The following PCDHA2 variants were observed in gnomAD, a reference collection of about 807,000 sequenced individuals.
PCDHA2 encodes the protein protocadherin alpha 2, also known as protocadherin alpha-2.
PCDHA2 carries 58 observed loss-of-function variants against 66.0 expected under a neutral mutation model. The ratio of observed to expected loss-of-function variants is 0.88; its 90% confidence interval spans 0.71 to 1.09. The LOEUF (loss-of-function observed/expected upper bound fraction) is 1.09, where lower values mean the gene tolerates loss of function less well. Ranked by LOEUF, PCDHA2 falls within the 50% of genes least tolerant of loss-of-function variation. PCDHA2 has a pLI of 0.00. For synonymous variants in PCDHA2, 634 were observed against 554.0 expected (o/e 1.14, Z -2.03); for missense variants, 1,267 against 1,242.3 (o/e 1.02, Z -0.30).
chr5:140,912,533 A>G (rs570012858), intron 1 of PCDHA2, among the ~76,000 whole-genome samples: 1 of 152,224 alleles, frequency 6.6e-6, no homozygotes, highest in African/African-American at 2.4e-5. Flanking sequence ...AGAGTACATG[A>G]TCATATTGTC....
chr5:140,795,314 T>C lies in PCDHA2; in HGVS notation c.350T>C (p.Phe117Ser). 6.2e-7 allele frequency: 1 copy of C among 1,614,198 alleles called. No individual in the cohort carries two copies. The highest frequency in any genetic ancestry group is 1.7e-5 in the Admixed American group (1 of 60,028). Residue 117 changes from phenylalanine (F) to serine (S), a missense_variant, in exon 1 of 4, where the codon TTC (phenylalanine) becomes TCC (serine). Phe to Ser is a radical substitution (Grantham distance 155). Coordinates refer to ENST00000526136, the MANE Select transcript of PCDHA2 (RefSeq NM_018905.3). ...ATCGTGGACAGGCCGCTGCAGGTTT[T>C]CCATGTGGAAGTGGAGGTGAAGGAC... is the stretch of plus-strand genomic sequence containing the variant. ...EVIVDRPLQV[F>S]HVEVEVKDIN...
At position 140,927,603 on chromosome 5, in the gene PCDHA2, A is replaced by G. The variant is rs538616533; in HGVS notation, c.2389-51346A>G. On this transcript the variant is annotated intron_variant, in intron 1 of 3. Coordinates refer to ENST00000526136, the MANE Select transcript of PCDHA2 (RefSeq NM_018905.3). ...ACGCGCCTGTATTTGAGCGCTCCGT[A>G]TACCGCACCAAGGTTCCAGAGACTG... 8.1e-6 allele frequency: 13 copies of G among 1,614,190 alleles called. No homozygotes were observed. In the Admixed American group the frequency reaches 1.2e-4, roughly 14 times the overall value.
chr5:140,848,218 A>T (rs1404023746), intron 1 of PCDHA2: 1 of 371,682 alleles, frequency 2.7e-6, no homozygotes, highest in Non-Finnish European at 4.8e-6. Flanking sequence ...TTAAGAAAAA[A>T]TTAAGAAAAT....
intron 1 of PCDHA2, among the ~76,000 whole-genome samples, chr5:140,904,023 A>G (rs2070780912): frequency 1.3e-5 from 2 of 152,198 alleles, no homozygotes; most frequent in Admixed American, 6.5e-5. Flanking sequence ...AAATAATGGT[A>G]TAATTTAACT....
intron 1 of PCDHA2, chr5:140,876,139 A>G (rs1554168285): frequency 6.2e-7 from 1 of 1,613,960 alleles, no homozygotes; most frequent in South Asian, 1.1e-5. Context: ...ACCAGAACTA[A>G]CAGGGTCTGT....
chr5:140,798,198 G>A (rs1262520843), intron 1 of PCDHA2, among the ~76,000 whole-genome samples: 2 of 152,120 alleles, frequency 1.3e-5, no homozygotes, highest in African/African-American at 4.8e-5. Flanking sequence ...AAAGCAGCCT[G>A]AGTGGATATT....
At chr5:140,816,978 A>G (rs1367187399) in intron 1 of PCDHA2, 1 of 152,086 alleles carries the variant, frequency 6.6e-6, no homozygotes, top group African/African-American at 2.4e-5. Flanking sequence ...GCCCACTAAA[A>G]TTCAGGAACT....
At chr5:140,927,105 C>T in intron 1 of PCDHA2, 1 of 1,613,778 alleles carries the variant, frequency 6.2e-7, no homozygotes, top group Non-Finnish European at 8.5e-7. Flanking sequence ...TGGATCTACC[C>T]AGCGGCAATT....
rs1282110712 is a variant in PCDHA2, at chr5:140,926,177, A to G, written c.2389-52772A>G. Among the ~76,000 whole-genome samples the G allele has an allele frequency of 2.0e-5, 3 of 151,672 alleles. No individual in the cohort carries two copies. The South Asian group carries it at 6.6e-4, about 34-fold the overall frequency. On this transcript the variant is annotated intron_variant, in intron 1 of 3. Coordinates refer to ENST00000526136, the MANE Select transcript of PCDHA2 (RefSeq NM_018905.3). ...CTCTGCAGCAGGATCCAGCGCGGAA[A>G]GCCCCCCGCAGCACTTCTTTCGGGG...
chr5:140,927,897 T>C (rs907878286), intron 1 of PCDHA2: 1 of 1,614,086 alleles, frequency 6.2e-7, no homozygotes, highest in African/African-American at 1.3e-5. Context: ...ACGTGAACGA[T>C]CATGCCCCCG....
chr5:140,965,401 A>G (rs546046699), intron 1 of PCDHA2, among the ~76,000 whole-genome samples: 2 of 152,284 alleles, frequency 1.3e-5, no homozygotes, highest in African/African-American at 4.8e-5. Flanking sequence ...AAGTCTAAGG[A>G]GTCTTATATT....
At chr5:140,834,036 C>A (rs2150213017) in intron 1 of PCDHA2, among the ~76,000 whole-genome samples, 3 of 152,146 alleles carry the variant, frequency 2.0e-5, no homozygotes, top group Admixed American at 2.0e-4. Flanking sequence ...AGCCATCAGT[C>A]GCCTAAGAAT....
chr5:140,864,887 G>T (rs2048644726), intron 1 of PCDHA2: 1 of 152,148 alleles, frequency 6.6e-6, no homozygotes, highest in African/African-American at 2.4e-5. Flanking sequence ...TGTTCATTAA[G>T]CTGCATGGTC....
intron 1 of PCDHA2, among the ~76,000 whole-genome samples, chr5:140,910,919 T>G (rs2075230231): frequency 6.6e-6 from 1 of 152,154 alleles, no homozygotes; most frequent in Admixed American, 6.5e-5. Flanking sequence ...TTTTTGCTTA[T>G]ATAAATAAGA....
Position 141,010,907 on chromosome 5 carries a change from C to G in PCDHA2, c.*970C>G, listed in dbSNP as rs2098418753. 6.5e-6 allele frequency: 1 copy of G among 153,766 alleles called. No individual in the cohort carries two copies. 9.5% of individuals were successfully genotyped at this position (153,766 alleles called of 1,614,324 possible). A position where few individuals can be genotyped will look rare whatever the true frequency, so the allele number is the denominator to read the frequency against. ...GAAATATGAATACAATTCCCCTAAACTCTCCTCAAAAGAGAATTCAGTCTA... is the reference window on the plus strand; with the variant it reads ...GAAATATGAATACAATTCCCCTAAAGTCTCCTCAAAAGAGAATTCAGTCTA... On this transcript the variant is annotated 3_prime_UTR_variant, in exon 4 of 4. Coordinates refer to ENST00000526136, the MANE Select transcript of PCDHA2 (RefSeq NM_018905.3).
rs781808272 is a variant in PCDHA2, at chr5:140,856,411, A to G, written c.2388+59059A>G. Reference sequence around the variant, plus strand: ...TGCAGGTTTTCCATGTGGACGTGGAAGTGAAGGACATTAACGACAACCCGC... The same window carrying G: ...TGCAGGTTTTCCATGTGGACGTGGAGGTGAAGGACATTAACGACAACCCGC... On this transcript the variant is annotated intron_variant, in intron 1 of 3. Transcript: ENST00000526136. 31 of 1,598,328 alleles carry G rather than the reference A, an allele frequency of 1.9e-5. 3 individuals are homozygous for G. Among genetic ancestry groups the G allele is most frequent in the African/African-American group, 5.4e-5 (4 of 74,256 alleles).
At chr5:140,858,376 A>G in intron 1 of PCDHA2, 2 of 1,587,998 alleles carry the variant, frequency 1.3e-6, no homozygotes. Flanking sequence ...GCCTTCCACC[A>G]TGCCCAATGG....
rs2150482773 is a variant in PCDHA2, at chr5:140,850,408, A to G, written c.2388+53056A>G. The G allele has an allele frequency of 6.3e-6, 10 of 1,597,776 alleles. 1 individual carries two copies. The South Asian group carries it at 9.9e-5, about 16-fold the overall frequency. ...GAGATCAGCACAACGCGTGCCCTGG[A>G]CGAAACGGACGCACCGCGCCAGCGC... On this transcript the variant is annotated intron_variant, in intron 1 of 3. Coordinates refer to ENST00000526136, the MANE Select transcript of PCDHA2 (RefSeq NM_018905.3).
At chr5:140,862,415 G>A (rs1382532896) in intron 1 of PCDHA2, 6 of 348,784 alleles carry the variant, frequency 1.7e-5, no homozygotes, top group Non-Finnish European at 2.8e-5. Context: ...TTCAAAAGGC[G>A]CTGCCCAGAA....
Sources: allele counts gnomAD v4.1 joint callset (sites outside exome capture counted in the v4.1 genomes callset), GRCh38; gene constraint gnomAD v4.1.1; transcripts MANE v1.5; gene names NCBI Gene and HGNC (gene_info 2026-07-23, HGNC 2026-07-21).